Variants in HDAC7 observed in about 807,000 individuals in gnomAD.
HDAC7 encodes the protein histone deacetylase 7A.
A neutral mutation model predicts 115.5 loss-of-function variants in HDAC7; 26 were observed. The observed-to-expected ratio is 0.23, with a 90% CI of 0.16 to 0.31. The LOEUF (loss-of-function observed/expected upper bound fraction) is 0.31. HDAC7 is among the 10% of genes least tolerant of loss of function. The probability of loss-of-function intolerance (pLI) is 1.00; values close to 1 mark genes in which losing one functional copy is unlikely to be tolerated. For missense variants in HDAC7, 1,068 were observed against 1,329.0 expected (o/e 0.80, Z 3.05); for synonymous variants, 564 against 550.9 (o/e 1.02, Z -0.33).
At chr12:47,802,458 C>T in intron 1 of HDAC7, 184 bp from the exon 2 acceptor site, 1 of 1,551,286 alleles carries the variant, frequency 6.4e-7, no homozygotes, top group Non-Finnish European at 8.7e-7. Context: ...CTCCAGTCCC[C>T]CTGCTGGTGA....
Position 47,795,441 on chromosome 12 carries a change from G to A in HDAC7, c.1088-61C>T. On this transcript the variant is annotated intron_variant, in intron 10 of 25. Transcript: ENST00000080059. This position sits in a 1 kb window ranked among gnomAD's most constrained non-coding sequence, Gnocchi z 4.3. ...CACAGGGAGCAATGGAAGGAAGCGA[G>A]GGTATAGGGTGGGGGGCCAGGGTGC... The A allele has an allele frequency of 6.9e-7, 1 of 1,458,614 alleles. No homozygotes were observed. The highest frequency in any genetic ancestry group is 9.4e-7 in the Non-Finnish European group (1 of 1,064,466). The allele number at this position is 1,458,614 out of a possible 1,614,324, so 90.4% of individuals were successfully genotyped here.
chr12:47,789,898 T>C lies in HDAC7; in HGVS notation c.2006A>G (p.Asn669Ser). The C allele has an allele frequency of 6.2e-7, 1 of 1,613,558 alleles. No individual in the cohort carries two copies. The highest frequency in any genetic ancestry group is 8.5e-7 in the Non-Finnish European group (1 of 1,179,822). The stretch of plus-strand genomic sequence containing the variant: ...GGCTGCATTGGAGGAATGAAGCTCA[T>C]TCCAGATGGTGTCAGTGTCCACCTG... ...GVGVDTDTIW[N>S]ELHSSNAARW... is the part of the protein sequence containing the mutation. Residue 669 changes from asparagine to serine, a missense_variant, in exon 17 of 26, where the codon AAT becomes AGT. By Grantham distance (46) the Asn-to-Ser change is conservative. Transcript: ENST00000080059.
chr12:47,802,508 T>C (rs1317422740), intron 1 of HDAC7: 4 of 1,550,312 alleles, frequency 2.6e-6, no homozygotes, highest in African/African-American at 1.4e-5. Context: ...TCACTCATTC[T>C]AAATGACTTG....
In HDAC7 at chr12:47,793,698, A is replaced by T; in HGVS notation, c.1459-110T>A. 1.2e-6 allele frequency: 1 copy of T among 822,070 alleles called. No homozygotes were observed. The highest frequency in any genetic ancestry group is 1.8e-6 in the Non-Finnish European group (1 of 542,706). 50.9% of individuals were successfully genotyped at this position (822,070 alleles called of 1,614,324 possible). ...CAGGCCCCTTTCCTAGAGAGATTCC[A>T]GGATAAACCTAGACCTGCTGTCCAG... On this transcript the variant is annotated intron_variant, in intron 12 of 25. Transcript: ENST00000080059. This position sits in a 1 kb window ranked among gnomAD's most constrained non-coding sequence, Gnocchi z 4.5.
chr12:47,785,578 GC>G (rs760300876), intron 23 of HDAC7, 107 bp from the exon 24 acceptor site: 96 of 1,360,912 alleles, frequency 7.1e-5, no homozygotes, highest in Non-Finnish European at 9.3e-5. Context: ...CTCTACCTAG[GC>G]CAGGAGATGC....
intron 14 of HDAC7, 33 bp from the exon 15 acceptor site, chr12:47,791,739 G>A (rs1258696354): frequency 6.2e-7 from 1 of 1,609,900 alleles, no homozygotes; most frequent in Non-Finnish European, 8.5e-7. Flanking sequence ...CTGAGCTCAT[G>A]CTCGCCCCTT....
chr12:47,784,806 A>T (rs1943073849), intron 24 of HDAC7: 5 of 1,533,426 alleles, frequency 3.3e-6, no homozygotes, highest in Non-Finnish European at 4.4e-6. Context: ...CACCCACCGT[A>T]AGAGGAATCA....
Position 47,789,823 on chromosome 12 carries a change from C to T in HDAC7, c.2081G>A (p.Arg694His), listed in dbSNP as rs200899015. ...VTDLAFKVAS[R>H]ELKNGFAVVR... ...ACCCAAACCTCCTACCTTTAGCTCACGAGAAGCCACTTTGAAGGCGAGGTC... is the reference window on the plus strand; with the variant it reads ...ACCCAAACCTCCTACCTTTAGCTCATGAGAAGCCACTTTGAAGGCGAGGTC... Residue 694 changes from arginine (R) to histidine (H), a missense_variant, in exon 17 of 26, where the codon CGT becomes CAT. Physicochemically the swap from Arg to His is conservative, Grantham distance 29. Coordinates refer to ENST00000080059, the MANE Select transcript of HDAC7 (RefSeq NM_015401.5). The T allele has an allele frequency of 1.5e-4, 245 of 1,613,224 alleles. No homozygotes were observed. The highest frequency in any genetic ancestry group is 1.6e-4 in the Middle Eastern group (1 of 6,084).
rs1031738186 is a variant in HDAC7 at position 47,783,784 on chromosome 12, G to A, written c.*57C>T. ...CCCAGGAATGGGGGCTATTGCCAGG[G>A]GTTAGAAGAGAACCAGGTCCCAAGG... On this transcript the variant is annotated 3_prime_UTR_variant, in exon 26 of 26. Coordinates refer to ENST00000080059, the MANE Select transcript of HDAC7 (RefSeq NM_015401.5). The A allele has an allele frequency of 1.8e-5, 28 of 1,557,554 alleles. No homozygotes were observed. The East Asian group carries it at 4.8e-4, about 26-fold the overall frequency.
intron 19 of HDAC7, chr12:47,788,985 C>A (rs1592635698): frequency 2.3e-6 from 1 of 437,724 alleles, no homozygotes; most frequent in South Asian, 3.7e-5. Flanking sequence ...CTAGATCTGC[C>A]AAAAGAAGCC....
Position 47,795,082 on chromosome 12 carries a change from T to C in HDAC7, c.1284+102A>G. 7.6e-7 allele frequency: 1 copy of C among 1,314,058 alleles called. No individual in the cohort carries two copies. Among genetic ancestry groups the C allele is most frequent in the Non-Finnish European group, 1.1e-6 (1 of 939,050 alleles). The allele number at this position is 1,314,058 out of a possible 1,614,324, so 81.4% of individuals were successfully genotyped here. On this transcript the variant is annotated intron_variant, in intron 11 of 25. Transcript: ENST00000080059. The surrounding 1 kb of genome is among the most constrained non-coding windows in gnomAD (Gnocchi z 4.3). ...CCCAAGAAGCCACATCCCCCTCTTTTGCCCTCCAGTTCCCTGCCCTTTCTA... is the reference window on the plus strand; with the variant it reads ...CCCAAGAAGCCACATCCCCCTCTTTCGCCCTCCAGTTCCCTGCCCTTTCTA...
intron 1 of HDAC7, among the ~76,000 whole-genome samples, chr12:47,818,283 C>T (rs1295127098): frequency 1.3e-5 from 2 of 152,282 alleles, no homozygotes; most frequent in East Asian, 1.9e-4. Flanking sequence ...CTGAGCCTGG[C>T]CCTGCTGGGC....
intron 1 of HDAC7, among the ~76,000 whole-genome samples, chr12:47,807,552 T>C (rs1310329938): frequency 6.6e-6 from 1 of 151,398 alleles, no homozygotes; most frequent in Non-Finnish European, 1.5e-5. Context: ...ACCAATACAC[T>C]CCACCCCTCC....
intron 1 of HDAC7, among the ~76,000 whole-genome samples, chr12:47,810,735 G>A (rs749302336): frequency 2.6e-5 from 4 of 152,058 alleles, no homozygotes; most frequent in Admixed American, 6.6e-5. Flanking sequence ...TACAAAATGC[G>A]GGTTGCATAA....
rs1943774872 is a variant in HDAC7 at position 47,795,609 on chromosome 12, G to A, written c.1065C>T (p.Gly355=). ...CACCAGTCAGCAGCGGGGCATGAGA[G>A]CCTGAGGGGTCCAGGAGGAGAATGG... The part of the protein sequence containing the change: ...LQPILLLDPS[G]SHAPLLTVPG... Residue 355 remains glycine (G), a synonymous_variant, in exon 10 of 26, where the codon GGC becomes GGT. Transcript: ENST00000080059. This position sits in a 1 kb window ranked among gnomAD's most constrained non-coding sequence, Gnocchi z 4.3. 1.3e-6 allele frequency: 2 copies of A among 1,561,520 alleles called. No individual in the cohort carries two copies. Among genetic ancestry groups the A allele is most frequent in the Non-Finnish European group, 1.7e-6 (2 of 1,153,058 alleles).
At position 47,795,196 on chromosome 12, in the gene HDAC7, G is replaced by T. The variant is rs776516103; in HGVS notation, c.1272C>A (p.Val424=). 1.2e-6 allele frequency: 2 copies of T among 1,612,588 alleles called. No homozygotes were observed. Among genetic ancestry groups the T allele is most frequent in the South Asian group, 1.1e-5 (1 of 90,936 alleles). ...CAATTCCTCTCACCTTGATCACCTG[G>T]ACGTGAGTTTTGAGCTGCTCCAGGC... The part of the protein sequence containing the change: ...QPRLEQLKTH[V]QVIKRSAKPS... The change falls in exon 11 of 26, where the codon GTC becomes GTA. Residue 424 remains valine (V), a synonymous_variant. Coordinates refer to ENST00000080059, the MANE Select transcript of HDAC7 (RefSeq NM_015401.5). This position sits in a 1 kb window ranked among gnomAD's most constrained non-coding sequence, Gnocchi z 4.3.
intron 1 of HDAC7, among the ~76,000 whole-genome samples, chr12:47,816,535 T>C (rs11168252): frequency 6.6e-6 from 1 of 151,396 alleles, no homozygotes; most frequent in Admixed American, 6.6e-5. Flanking sequence ...GGGGGAGGGG[T>C]ACACACACAG....
upstream of HDAC7, chr12:47,820,007 G>A (rs1298029035): frequency 6.5e-6 from 1 of 153,108 alleles, no homozygotes; most frequent in Non-Finnish European, 1.4e-5. The surrounding 1 kb of genome is among the most constrained non-coding windows in gnomAD (Gnocchi z 4.3). Context: ...CAAGGGGGAG[G>A]GGAGGGAGGG....
At chr12:47,796,049 C>A in intron 8 of HDAC7, 33 bp from the exon 9 acceptor site, 1 of 1,543,538 alleles carries the variant, frequency 6.5e-7, no homozygotes, top group Non-Finnish European at 8.8e-7. Context: ...GGTCACCGGT[C>A]CCAGACCTCT....
Sources: allele counts gnomAD v4.1 joint callset (sites outside exome capture counted in the v4.1 genomes callset), GRCh38; gene constraint gnomAD v4.1.1; non-coding constraint Gnocchi (gnomAD v3.1); transcripts MANE v1.5; gene names NCBI Gene and HGNC (gene_info 2026-07-23, HGNC 2026-07-21).